The following ABHD12 variants were observed in gnomAD, a reference collection of about 807,000 sequenced individuals.
The protein encoded by ABHD12 is abhydrolase domain containing 12, lysophospholipase.
ABHD12 carries 43 observed loss-of-function variants against 58.3 expected under a neutral mutation model. The ratio of observed to expected loss-of-function variants is 0.74; its 90% CI spans 0.58 to 0.95. The LOEUF (loss-of-function observed/expected upper bound fraction) is 0.95. Among genes scored for constraint, ABHD12 ranks in the 40% least tolerant of loss-of-function variants. ABHD12 has a pLI of 0.00. For missense variants in ABHD12, 539 were observed against 537.2 expected (o/e 1.00, Z -0.03); for synonymous variants, 219 against 211.2 (o/e 1.04, Z -0.32).
At chr20:25,379,860 T>C (rs938641632) in intron 1 of ABHD12, among the ~76,000 whole-genome samples, 1 of 148,772 alleles carries the variant, frequency 6.7e-6, no homozygotes, top group Non-Finnish European at 1.5e-5. Context: ...GGCTAATTCT[T>C]TTTTTTTTTG....
chr20:25,353,256 TTGTTTC>T (rs1204695766), intron 1 of ABHD12, among the ~76,000 whole-genome samples: 52 of 118,916 alleles, frequency 4.4e-4, no homozygotes, highest in Admixed American at 2.5e-3. Context: ...TTTTTTTTGT[TTGTTTC>T]TGTTTTTTTT....
intron 6 of ABHD12, among the ~76,000 whole-genome samples, chr20:25,313,000 G>C (rs1445532565): frequency 1.3e-5 from 2 of 149,154 alleles, no homozygotes; most frequent in African/African-American, 5.0e-5. Flanking sequence ...ACCCCGTCTG[G>C]GAGGTGGGGG....
chr20:25,338,058 A>G (rs1253537391), intron 2 of ABHD12, among the ~76,000 whole-genome samples: 1 of 152,170 alleles, frequency 6.6e-6, no homozygotes, highest in Non-Finnish European at 1.5e-5. Flanking sequence ...AAAAAAAACA[A>G]AAACAAAGAA....
chr20:25,308,171 T>TGTG, intron 8 of ABHD12, 126 bp from the exon 9 acceptor site: 1 of 793,424 alleles, frequency 1.3e-6, no homozygotes, highest in East Asian at 2.4e-5. Context: ...GGCAACCACC[T>TGTG]CGGCAGGCCT....
intron 1 of ABHD12, among the ~76,000 whole-genome samples, chr20:25,378,593 G>T (rs4815413): frequency 0.43 from 65,242 of 151,882 alleles, 15,539 homozygotes; most frequent in Admixed American, 0.55. Flanking sequence ...GACCGGCATT[G>T]ACCCTGAACA....
chr20:25,317,727 C>T (rs897418719), intron 4 of ABHD12, among the ~76,000 whole-genome samples: 1 of 152,252 alleles, frequency 6.6e-6, no homozygotes, highest in Admixed American at 6.5e-5. Context: ...CCGTGCATGT[C>T]GCTACTGAGA....
chr20:25,360,535 C>G (rs539921432), intron 1 of ABHD12, among the ~76,000 whole-genome samples: 4 of 151,860 alleles, frequency 2.6e-5, no homozygotes, highest in African/African-American at 9.7e-5. Flanking sequence ...CACCATGCCC[C>G]GGCCACACAT....
chr20:25,307,387 G>A (rs1053343187), intron 9 of ABHD12, among the ~76,000 whole-genome samples: 2 of 152,278 alleles, frequency 1.3e-5, no homozygotes, highest in African/African-American at 2.4e-5. Context: ...GGCTGACACA[G>A]GCCCGAGAAT....
intron 7 of ABHD12, among the ~76,000 whole-genome samples, chr20:25,309,034 G>A (rs543378913): frequency 1.3e-5 from 2 of 152,332 alleles, no homozygotes; most frequent in East Asian, 3.9e-4. Flanking sequence ...GGCCCTGAGA[G>A]CAGAGGTTCC....
intron 1 of ABHD12, among the ~76,000 whole-genome samples, chr20:25,384,150 A>C (rs1230984920): frequency 2.4e-5 from 1 of 41,838 alleles, no homozygotes; most frequent in Non-Finnish European, 4.2e-5. Context: ...TCAAAAAAAA[A>C]AAAAAGAAAA....
intron 1 of ABHD12, among the ~76,000 whole-genome samples, chr20:25,384,398 A>C (rs1372976135): frequency 6.6e-6 from 1 of 150,848 alleles, no homozygotes; most frequent in Non-Finnish European, 1.5e-5. Flanking sequence ...AAAGTTGGCA[A>C]TACTACACAC....
chr20:25,316,033 T>C (rs1568722518), intron 5 of ABHD12, among the ~76,000 whole-genome samples: 1 of 152,166 alleles, frequency 6.6e-6, no homozygotes. Context: ...CCCCTGCATG[T>C]GGGGAGACCT....
At chr20:25,303,145 G>A (rs2088668570) in intron 11 of ABHD12, 9 of 951,514 alleles carry the variant, frequency 9.5e-6, no homozygotes, top group East Asian at 6.6e-5. Flanking sequence ...CCCTGCAATG[G>A]GCTTGGGAGA....
chr20:25,323,903 G>A (rs539192138), intron 2 of ABHD12, among the ~76,000 whole-genome samples: 83 of 152,350 alleles, frequency 5.4e-4, no homozygotes, highest in African/African-American at 1.9e-3. Context: ...GGCGCTGCAG[G>A]ACCTGATGAC....
At chr20:25,324,798 T>TA (rs922694950) in intron 2 of ABHD12, among the ~76,000 whole-genome samples, 5 of 152,208 alleles carry the variant, frequency 3.3e-5, no homozygotes, top group African/African-American at 1.2e-4. Context: ...CCCACCTTCT[T>TA]ACTCCATCTC....
chr20:25,300,634 C>T lies in ABHD12; in HGVS notation c.*211G>A, dbSNP rs1568707850. ...GGCAAGGAGAGCCACATGCCTGCCA[C>T]CCACGCTTTCCACACAGCCATGCTC... On this transcript the variant is annotated 3_prime_UTR_variant, in exon 13 of 13. Transcript: ENST00000339157. 4.1e-6 allele frequency: 6 copies of T among 1,456,568 alleles called. No individual in the cohort carries two copies. Among genetic ancestry groups the T allele is most frequent in the Non-Finnish European group, 5.4e-6 (6 of 1,109,488 alleles). 90.2% of individuals were successfully genotyped at this position (1,456,568 alleles called of 1,614,324 possible). A position where few individuals can be genotyped will look rare whatever the true frequency, so the allele number is the denominator to read the frequency against.
chr20:25,383,132 G>A (rs1305462341), intron 1 of ABHD12, among the ~76,000 whole-genome samples: 1 of 152,132 alleles, frequency 6.6e-6, no homozygotes, highest in Non-Finnish European at 1.5e-5. Flanking sequence ...TACCATACAG[G>A]GACACTTAGA....
intron 1 of ABHD12, chr20:25,368,863 A>G (rs1262137011): frequency 2.2e-6 from 1 of 450,458 alleles, no homozygotes; most frequent in Non-Finnish European, 4.2e-6. Flanking sequence ...GCAGTGGCTC[A>G]TGCCTGTAAT....
intron 1 of ABHD12, among the ~76,000 whole-genome samples, chr20:25,353,250 T>G (rs1295392240): frequency 8.3e-6 from 1 of 121,024 alleles, no homozygotes; most frequent in Non-Finnish European, 2.0e-5. Context: ...TAGGTGTTTT[T>G]TTTGTTTGTT....
Sources: allele counts gnomAD v4.1 joint callset (sites outside exome capture counted in the v4.1 genomes callset), GRCh38; gene constraint gnomAD v4.1.1; transcripts MANE v1.5; gene names NCBI Gene and HGNC (gene_info 2026-07-23, HGNC 2026-07-21).